The following DLG2 variants were observed in gnomAD, a reference collection of about 807,000 sequenced individuals.
DLG2 encodes discs large MAGUK scaffold protein 2.
In DLG2, 45 loss-of-function variants were observed where a neutral mutation model predicts 132.5. That is an observed-to-expected ratio of 0.34 (90% confidence interval 0.27 to 0.44). The LOEUF is 0.44. Among genes scored for constraint, DLG2 ranks in the 20% least tolerant of loss-of-function variants. DLG2 has a pLI of 1.00. For missense variants in DLG2, 1,045 were observed against 1,196.9 expected (o/e 0.87, Z 1.87); for synonymous variants, 424 against 419.6 (o/e 1.01, Z -0.13).
intron 6 of DLG2, among the ~76,000 whole-genome samples, chr11:84,884,512 T>A (rs914379657): frequency 6.6e-6 from 1 of 152,122 alleles, no homozygotes; most frequent in Admixed American, 6.6e-5. Context: ...TTTATAGTCC[T>A]AAGGAAATTC....
chr11:85,499,739 C>T lies in DLG2; in HGVS notation c.40+98918G>A, dbSNP rs371029651. On this transcript the variant is annotated intron_variant, in intron 3 of 27. Coordinates refer to ENST00000376104, the MANE Select transcript of DLG2 (RefSeq NM_001142699.3). ...CAAATCCAGCAGCACAAAAAACAGC[C>T]TATCCACCATGATCACGTCTGCTTC... 1.3e-4 allele frequency among the ~76,000 whole-genome samples: 20 copies of T among 152,110 alleles called. 1 individual carries two copies. In the South Asian group the frequency reaches 3.9e-3, roughly 30 times the overall value.
chr11:83,527,394 T>C (rs1483907126), intron 21 of DLG2, among the ~76,000 whole-genome samples: 1 of 152,136 alleles, frequency 6.6e-6, no homozygotes, highest in Non-Finnish European at 1.5e-5. Context: ...AAAGAGGAAA[T>C]AAATGATTTC....
chr11:83,981,691 CCT>C (rs2092796194), intron 11 of DLG2, among the ~76,000 whole-genome samples: 1 of 152,156 alleles, frequency 6.6e-6, no homozygotes. Flanking sequence ...CCTAACTTGG[CCT>C]CCCAAAGTGC....
intron 7 of DLG2, among the ~76,000 whole-genome samples, chr11:84,396,546 A>G (rs1045591682): frequency 1.3e-5 from 2 of 152,208 alleles, no homozygotes; most frequent in Admixed American, 6.5e-5. Context: ...TCAAGCCTCA[A>G]TCTTTTAGAT....
intron 12 of DLG2, among the ~76,000 whole-genome samples, chr11:83,968,640 G>A (rs1360354656): frequency 6.6e-6 from 1 of 152,102 alleles, no homozygotes; most frequent in Non-Finnish European, 1.5e-5. Context: ...AACTTATGAG[G>A]TAGCTATTAT....
At chr11:84,272,645 C>A (rs1567142542) in intron 7 of DLG2, among the ~76,000 whole-genome samples, 2 of 152,122 alleles carry the variant, frequency 1.3e-5, no homozygotes, top group Admixed American at 6.5e-5. Context: ...GAAATTTTTA[C>A]AAAATCTAAA....
At chr11:84,640,042 AC>A (rs1565528394) in intron 6 of DLG2, 1 of 279,590 alleles carries the variant, frequency 3.6e-6, no homozygotes, top group Non-Finnish European at 6.8e-6. Context: ...GAAAATGTCA[AC>A]GTTACTCTGA....
At chr11:85,014,446 A>C (rs538994392) in intron 6 of DLG2, among the ~76,000 whole-genome samples, 4 of 152,178 alleles carry the variant, frequency 2.6e-5, no homozygotes, top group African/African-American at 9.7e-5. Context: ...CCAGTGCACT[A>C]AACAGATGGA....
chr11:84,895,317 TATG>T (rs1285425193), intron 6 of DLG2, among the ~76,000 whole-genome samples: 2 of 152,150 alleles, frequency 1.3e-5, no homozygotes, highest in Non-Finnish European at 1.5e-5. Context: ...TGAATACAAA[TATG>T]ATACTAGGCA....
Position 84,201,511 on chromosome 11 carries a change from A to G in DLG2, c.574-38000T>C, listed in dbSNP as rs577054344. ...CTTTTCAGTTTTTTGGAACAGTTTC[A>G]GTAGAAATCGTATCAGCTCTTCCTT... On this transcript the variant is annotated intron_variant, in intron 8 of 27. Coordinates refer to ENST00000376104, the MANE Select transcript of DLG2 (RefSeq NM_001142699.3). 1.3e-4 allele frequency among the ~76,000 whole-genome samples: 19 copies of G among 151,568 alleles called. No individual in the cohort carries two copies. The South Asian group carries it at 3.8e-3, about 30-fold the overall frequency.
At chr11:84,419,507 C>T (rs986073486) in intron 7 of DLG2, among the ~76,000 whole-genome samples, 1 of 152,078 alleles carries the variant, frequency 6.6e-6, no homozygotes, top group South Asian at 2.1e-4. Flanking sequence ...ACAAAACAAC[C>T]CTGAAAAGCC....
At chr11:85,208,649 T>G (rs555618844) in intron 4 of DLG2, among the ~76,000 whole-genome samples, 2 of 152,132 alleles carry the variant, frequency 1.3e-5, no homozygotes, top group Non-Finnish European at 2.9e-5. Flanking sequence ...AGCTATAACA[T>G]GCACAAAATG....
At chr11:84,857,358 T>A (rs1253855865) in intron 6 of DLG2, among the ~76,000 whole-genome samples, 2 of 151,422 alleles carry the variant, frequency 1.3e-5, no homozygotes, top group African/African-American at 4.9e-5. Flanking sequence ...AGGCAACACA[T>A]GATTATGCAA....
At chr11:84,872,148 C>T (rs2085566511) in intron 6 of DLG2, among the ~76,000 whole-genome samples, 1 of 152,070 alleles carries the variant, frequency 6.6e-6, no homozygotes, top group South Asian at 2.1e-4. Flanking sequence ...GCACTTTATG[C>T]TGGGAAATAA....
In DLG2 at chr11:83,688,622, T is replaced by A. The variant is rs551975037; in HGVS notation, c.1826-55297A>T. The stretch of plus-strand genomic sequence containing the variant: ...GTCTATTTTTATGAATTCGTGTTCA[T>A]GAGTATGTGTGCATACATATAAACA... On this transcript the variant is annotated intron_variant, in intron 18 of 27. Transcript: ENST00000376104. Among the ~76,000 whole-genome samples, 161 of 152,300 alleles carry A rather than the reference T, an allele frequency of 1.1e-3. 2 individuals carry two copies. Among genetic ancestry groups the A allele is most frequent in the Non-Finnish European group, 1.8e-3 (121 of 68,010 alleles).
At chr11:85,166,500 C>T (rs1397341409) in intron 4 of DLG2, among the ~76,000 whole-genome samples, 1 of 152,082 alleles carries the variant, frequency 6.6e-6, no homozygotes, top group Non-Finnish European at 1.5e-5. Flanking sequence ...ATGACTCCCT[C>T]CTCCACACAG....
chr11:84,314,418 C>T (rs1440291132), intron 7 of DLG2, among the ~76,000 whole-genome samples: 1 of 152,092 alleles, frequency 6.6e-6, no homozygotes, highest in South Asian at 2.1e-4. Flanking sequence ...CATATAGGTA[C>T]ACACATGCTC....
intron 7 of DLG2, among the ~76,000 whole-genome samples, chr11:84,344,990 T>C (rs1398208496): frequency 1.3e-5 from 2 of 152,214 alleles, no homozygotes; most frequent in East Asian, 3.8e-4. Flanking sequence ...CCTTATTATA[T>C]TACTTTTTAA....
chr11:84,250,041 G>A (rs565880932), intron 8 of DLG2, among the ~76,000 whole-genome samples: 9 of 152,240 alleles, frequency 5.9e-5, no homozygotes, highest in East Asian at 1.9e-4. Context: ...GCTCAGGACC[G>A]CCAGTTCTTT....
Sources: allele counts gnomAD v4.1 joint callset (sites outside exome capture counted in the v4.1 genomes callset), GRCh38; gene constraint gnomAD v4.1.1; transcripts MANE v1.5; gene names NCBI Gene and HGNC (gene_info 2026-07-23, HGNC 2026-07-21).